FAM135B: variants seen among roughly 807,000 people sequenced by gnomAD.
The protein encoded by FAM135B is protein FAM135B.
In FAM135B, 43 loss-of-function variants were observed where a neutral mutation model predicts 127.7. The observed-to-expected ratio is 0.34, with a 90% confidence interval of 0.26 to 0.43. The LOEUF (loss-of-function observed/expected upper bound fraction) is 0.43, where lower values mean the gene tolerates loss of function less well. Among genes scored for constraint, FAM135B ranks in the 20% least tolerant of loss-of-function variants. The pLI is 1.00. For synonymous variants in FAM135B, 670 were observed against 665.1 expected, an observed-to-expected ratio of 1.01 and a Z score of -0.11; for missense variants, 1,558 against 1,725.6, an observed-to-expected ratio of 0.90 and a Z score of 1.72.
At chr8:138,337,177 A>G (rs997602933) in intron 2 of FAM135B, among the ~76,000 whole-genome samples, 1 of 147,310 alleles carries the variant, frequency 6.8e-6, no homozygotes, top group Admixed American at 6.9e-5. Flanking sequence ...AACTGGAAGC[A>G]TTCCCTTTGA....
chr8:138,393,459 A>AC lies in FAM135B; in HGVS notation c.-19-25458_-19-25457insG, dbSNP rs200278074. 2.6e-4 allele frequency among the ~76,000 whole-genome samples: 40 copies of AC among 151,674 alleles called. 1 individual carries two copies. Among genetic ancestry groups the AC allele is most frequent in the African/African-American group, 9.0e-4 (37 of 41,122 alleles). ...ACTCTAGGACACTGTTTTAGTGAAA[A>AC]AAAAAAAAAAAATTTAAGAGTATTC... On this transcript the variant is annotated intron_variant, in intron 1 of 19. Coordinates refer to ENST00000395297, the MANE Select transcript of FAM135B (RefSeq NM_015912.4).
chr8:138,335,090 T>C (rs982829538), intron 2 of FAM135B, among the ~76,000 whole-genome samples: 2 of 152,238 alleles, frequency 1.3e-5, no homozygotes, highest in African/African-American at 4.8e-5. Flanking sequence ...ATGAGTATAC[T>C]GTGATTTTTT....
chr8:138,439,397 C>A (rs551940935), intron 1 of FAM135B: 17 of 152,308 alleles, frequency 1.1e-4, no homozygotes, highest in African/African-American at 3.1e-4. Context: ...AAATCCCATT[C>A]TCATTCCACT....
At chr8:138,292,871 C>T (rs937934841) in intron 3 of FAM135B, among the ~76,000 whole-genome samples, 1 of 151,814 alleles carries the variant, frequency 6.6e-6, no homozygotes, top group Non-Finnish European at 1.5e-5. Context: ...ATCAAAATAC[C>T]GTCATCTTTC....
chr8:138,404,590 A>C (rs1474806013), intron 1 of FAM135B, among the ~76,000 whole-genome samples: 1 of 152,130 alleles, frequency 6.6e-6, no homozygotes, highest in Non-Finnish European at 1.5e-5. Context: ...ATCCTCCCAA[A>C]TCCTACAGCT....
intron 1 of FAM135B, among the ~76,000 whole-genome samples, chr8:138,389,743 G>C (rs1325328639): frequency 6.6e-6 from 1 of 152,182 alleles, no homozygotes. Context: ...AGTGGTGATA[G>C]TTGGACAATA....
intron 2 of FAM135B, among the ~76,000 whole-genome samples, chr8:138,366,492 C>G (rs1421658726): frequency 6.6e-6 from 1 of 152,160 alleles, no homozygotes; most frequent in East Asian, 1.9e-4. Context: ...GATGCACAGA[C>G]CTTTGCCTCA....
chr8:138,403,955 T>C (rs570804099), intron 1 of FAM135B, among the ~76,000 whole-genome samples: 2 of 152,284 alleles, frequency 1.3e-5, no homozygotes, highest in Admixed American at 1.3e-4. Flanking sequence ...CATCCTAACA[T>C]GAATAGGGAA....
chr8:138,333,969 C>G (rs138986914), intron 2 of FAM135B, among the ~76,000 whole-genome samples: 1 of 152,188 alleles, frequency 6.6e-6, no homozygotes, highest in Non-Finnish European at 1.5e-5. Context: ...GTCTCCCAGG[C>G]TGGAGTGCAG....
At chr8:138,449,086 G>A (rs1836349555) in intron 1 of FAM135B, among the ~76,000 whole-genome samples, 1 of 152,140 alleles carries the variant, frequency 6.6e-6, no homozygotes, top group South Asian at 2.1e-4. Flanking sequence ...GCCACATCAG[G>A]CCCAGGTTTA....
At chr8:138,217,389 T>C (rs73437670) in intron 7 of FAM135B, among the ~76,000 whole-genome samples, 7,855 of 151,800 alleles carry the variant, frequency 0.052, 457 homozygotes, top group African/African-American at 0.14. Flanking sequence ...CTCTTGCCTC[T>C]AGCCTTCCAT....
intron 7 of FAM135B, among the ~76,000 whole-genome samples, chr8:138,214,383 G>C (rs1032209772): frequency 5.3e-5 from 8 of 152,106 alleles, no homozygotes; most frequent in African/African-American, 1.9e-4. Flanking sequence ...ATCACTTATT[G>C]GGCATTGTTT....
chr8:138,372,160 G>A (rs1017481369), intron 1 of FAM135B, among the ~76,000 whole-genome samples: 4 of 152,186 alleles, frequency 2.6e-5, no homozygotes, highest in African/African-American at 9.7e-5. Context: ...TTCAGAAAGT[G>A]AAGAGAGTAA....
Position 138,148,614 on chromosome 8 carries a change from T to C in FAM135B, c.3354A>G (p.Val1118=), listed in dbSNP as rs1254160972. The change falls in exon 14 of 20, where the codon GTA becomes GTG. Residue 1118 remains valine, a synonymous_variant. Coordinates refer to ENST00000395297, the MANE Select transcript of FAM135B (RefSeq NM_015912.4). ...IEGFLYSDLT[V]LASDIPYFPP... ...GGAAATATGGTATATCAGAAGCTAG[T>C]ACAGTTAAGTCACTGTACAGAAATC... is the stretch of plus-strand genomic sequence containing the variant. The C allele has an allele frequency of 1.9e-6, 3 of 1,612,616 alleles. No individual in the cohort carries two copies. The highest frequency in any genetic ancestry group is 3.3e-5 in the Admixed American group (2 of 59,968).
chr8:138,322,172 T>A (rs1827492460), intron 2 of FAM135B, among the ~76,000 whole-genome samples: 1 of 152,210 alleles, frequency 6.6e-6, no homozygotes, highest in Non-Finnish European at 1.5e-5. Flanking sequence ...AAACATTGCA[T>A]ATGGCAGGGA....
chr8:138,194,902 A>C (rs2131107794), intron 9 of FAM135B, among the ~76,000 whole-genome samples: 1 of 152,354 alleles, frequency 6.6e-6, no homozygotes, highest in Non-Finnish European at 1.5e-5. Context: ...GTCTGAGGCC[A>C]TCTGTGCACA....
At position 138,387,638 on chromosome 8, in the gene FAM135B, G is replaced by C. The variant is rs1419838773; in HGVS notation, c.-19-19636C>G. The stretch of plus-strand genomic sequence containing the variant: ...CCTGTTATGTGCCACACCCAGAGTA[G>C]GTTCTCCAAAGTCATAGTCCCACTT... On this transcript the variant is annotated intron_variant, in intron 1 of 19. Transcript: ENST00000395297. Among the ~76,000 whole-genome samples, 4 of 152,234 alleles carry C rather than the reference G, an allele frequency of 2.6e-5. No individual in the cohort carries two copies. The South Asian group carries it at 8.3e-4, about 32-fold the overall frequency.
chr8:138,375,024 T>C (rs1831376371), intron 1 of FAM135B, among the ~76,000 whole-genome samples: 1 of 151,686 alleles, frequency 6.6e-6, no homozygotes, highest in Non-Finnish European at 1.5e-5. Flanking sequence ...AACCCCAGAT[T>C]ATTGTGTCCT....
chr8:138,151,242 G>A lies in FAM135B; in HGVS notation c.3233C>T (p.Ser1078Phe), dbSNP rs771079943. 2 of 1,600,224 alleles carry A rather than the reference G, an allele frequency of 1.2e-6. No homozygotes were observed. Among genetic ancestry groups the A allele is most frequent in the South Asian group, 2.3e-5 (2 of 88,478 alleles). ...CTCATCCAACGTGCTGGAATGGGTAGAAACAACTCCAAAGGATCCCAAAGG... is the reference window on the plus strand; with the variant it reads ...CTCATCCAACGTGCTGGAATGGGTAAAAACAACTCCAAAGGATCCCAAAGG... The part of the protein sequence containing the change: ...HQPLGSFGVV[S>F]THSSTLDEEV... The change falls in exon 13 of 20, where the codon TCT becomes TTT. Residue 1078 changes from serine (S) to phenylalanine (F), a missense_variant. Coordinates refer to ENST00000395297, the MANE Select transcript of FAM135B (RefSeq NM_015912.4).
Sources: allele counts gnomAD v4.1 joint callset (sites outside exome capture counted in the v4.1 genomes callset), GRCh38; gene constraint gnomAD v4.1.1; transcripts MANE v1.5; gene names NCBI Gene and HGNC (gene_info 2026-07-23, HGNC 2026-07-21).